The following RABGAP1L variants were observed in gnomAD, a reference collection of about 807,000 sequenced individuals.
The protein encoded by RABGAP1L is rab GTPase-activating protein 1-like.
Under a neutral mutation model 137.7 loss-of-function variants are expected in RABGAP1L, and 63 were observed. The observed-to-expected ratio is 0.46, with a 90% CI of 0.37 to 0.56. The LOEUF (loss-of-function observed/expected upper bound fraction) is 0.56, where lower values mean the gene tolerates loss of function less well. RABGAP1L is among the 20% of genes least tolerant of loss of function. The pLI is 0.00. For synonymous variants in RABGAP1L, 431 were observed against 433.7 expected (o/e 0.99, Z 0.08); for missense variants, 1,095 against 1,244.0 (o/e 0.88, Z 1.80).
chr1:174,473,866 T>C (rs774979711), intron 13 of RABGAP1L, among the ~76,000 whole-genome samples: 1 of 152,154 alleles, frequency 6.6e-6, no homozygotes, highest in Non-Finnish European at 1.5e-5. Context: ...TCTAACTCCG[T>C]TGTAGTAGAG....
intron 19 of RABGAP1L, chr1:174,850,232 C>T (rs977794989): frequency 4.6e-5 from 13 of 281,798 alleles, no homozygotes; most frequent in Admixed American, 9.0e-5. Context: ...AGGAAACCTC[C>T]GGGGTACCCT....
At chr1:174,392,051 T>C (rs771557479) in intron 12 of RABGAP1L, among the ~76,000 whole-genome samples, 6 of 152,210 alleles carry the variant, frequency 3.9e-5, no homozygotes, top group Non-Finnish European at 8.8e-5. Context: ...TGAAGAATAA[T>C]TAATACTCTT....
intron 10 of RABGAP1L, among the ~76,000 whole-genome samples, chr1:174,298,629 G>A (rs1184652398): frequency 1.3e-5 from 2 of 152,168 alleles, no homozygotes; most frequent in African/African-American, 4.8e-5. Flanking sequence ...CTTATCATAA[G>A]CCAAATGCTA....
At chr1:174,485,313 G>A (rs114860739) in intron 13 of RABGAP1L, among the ~76,000 whole-genome samples, 223 of 152,130 alleles carry the variant, frequency 1.5e-3, no homozygotes, top group African/African-American at 3.7e-3. Flanking sequence ...CTTCCTTTCC[G>A]ATTTGATGCT....
chr1:174,832,605 T>C (rs888134034), intron 19 of RABGAP1L, among the ~76,000 whole-genome samples: 3 of 148,576 alleles, frequency 2.0e-5, no homozygotes, highest in Non-Finnish European at 3.0e-5. Context: ...ACAGACCCAG[T>C]TCAGGCTCCC....
chr1:174,504,664 A>G (rs1163048063), intron 13 of RABGAP1L, among the ~76,000 whole-genome samples: 1 of 152,164 alleles, frequency 6.6e-6, no homozygotes, highest in Non-Finnish European at 1.5e-5. Context: ...GGAAAACTGG[A>G]TATCCATGTG....
intron 11 of RABGAP1L, among the ~76,000 whole-genome samples, chr1:174,360,620 G>C (rs1684057364): frequency 6.6e-6 from 1 of 151,950 alleles, no homozygotes; most frequent in Admixed American, 6.6e-5. Flanking sequence ...CTTGTAGCTG[G>C]GATATTTTGG....
intron 13 of RABGAP1L, among the ~76,000 whole-genome samples, chr1:174,405,528 T>C (rs1649157265): frequency 6.6e-6 from 1 of 152,210 alleles, no homozygotes; most frequent in African/African-American, 2.4e-5. Flanking sequence ...ATTACTGATA[T>C]AAATACAAAA....
At chr1:174,694,292 G>A (rs1467105049) in intron 15 of RABGAP1L, among the ~76,000 whole-genome samples, 116 of 147,822 alleles carry the variant, frequency 7.8e-4, no homozygotes, top group East Asian at 2.0e-3. Context: ...CTGGTGCGCT[G>A]CACCCACTAA....
At chr1:174,536,526 G>C (rs1225182339) in intron 13 of RABGAP1L, among the ~76,000 whole-genome samples, 1 of 152,036 alleles carries the variant, frequency 6.6e-6, no homozygotes, top group African/African-American at 2.4e-5. Context: ...GAAGAATTAT[G>C]CTTTTTTTCC....
chr1:174,256,084 C>A (rs912253021), intron 7 of RABGAP1L, among the ~76,000 whole-genome samples: 1 of 152,188 alleles, frequency 6.6e-6, no homozygotes, highest in Non-Finnish European at 1.5e-5. Context: ...TCCTTTCCCC[C>A]ACTCCAGTTC....
At chr1:174,390,852 A>G (rs1687163611) in intron 12 of RABGAP1L, among the ~76,000 whole-genome samples, 1 of 152,170 alleles carries the variant, frequency 6.6e-6, no homozygotes, top group Admixed American at 6.5e-5. Context: ...GAAGAAACTG[A>G]GTTCAGACTT....
At chr1:174,286,539 T>C (rs1284084407) in intron 10 of RABGAP1L, among the ~76,000 whole-genome samples, 1 of 152,108 alleles carries the variant, frequency 6.6e-6, no homozygotes, top group Non-Finnish European at 1.5e-5. Flanking sequence ...TCTGTTGTTT[T>C]ACTCTTCTCT....
intron 13 of RABGAP1L, among the ~76,000 whole-genome samples, chr1:174,476,049 A>C (rs943099521): frequency 6.6e-6 from 1 of 152,122 alleles, no homozygotes; most frequent in African/African-American, 2.4e-5. Flanking sequence ...TGGCTCCAAC[A>C]AAGGTTAGCG....
intron 12 of RABGAP1L, among the ~76,000 whole-genome samples, chr1:174,375,805 C>T (rs1309526011): frequency 6.6e-6 from 1 of 152,136 alleles, no homozygotes; most frequent in Non-Finnish European, 1.5e-5. Flanking sequence ...TGGCTCATGC[C>T]TGTAATCCCA....
chr1:174,703,317 T>A, intron 17 of RABGAP1L, among the ~76,000 whole-genome samples: 1 of 152,194 alleles, frequency 6.6e-6, no homozygotes, highest in East Asian at 1.9e-4. Flanking sequence ...AAATTCTGTG[T>A]CCATGTATAC....
intron 13 of RABGAP1L, among the ~76,000 whole-genome samples, chr1:174,496,211 A>G (rs1660719810): frequency 6.6e-6 from 1 of 152,186 alleles, no homozygotes; most frequent in Non-Finnish European, 1.5e-5. Context: ...ACTGAAGATG[A>G]TACATGGACA....
In RABGAP1L at chr1:174,811,870, T is replaced by C. The variant is rs746282203; in HGVS notation, c.2250T>C (p.Gly750=). Residue 750 remains glycine (G), a synonymous_variant, in exon 19 of 26, where the codon GGT becomes GGC. Coordinates refer to ENST00000681986, the MANE Select transcript of RABGAP1L (RefSeq NM_001366446.1). Reference sequence around the variant, plus strand: ...ACCTTCTGCAGGCTGATTTTGAAGGTGCTTTAAAGTTCTTTAGAGTTCAGC... The same window carrying C: ...ACCTTCTGCAGGCTGATTTTGAAGGCGCTTTAAAGTTCTTTAGAGTTCAGC... ...KEDLLQADFE[G]ALKFFRVQLP... The C allele has an allele frequency of 1.2e-6, 2 of 1,605,144 alleles. No homozygotes were observed. Among genetic ancestry groups the C allele is most frequent in the East Asian group, 4.5e-5 (2 of 44,652 alleles).
intron 14 of RABGAP1L, among the ~76,000 whole-genome samples, chr1:174,662,102 CT>C (rs749496325): frequency 1.8e-4 from 16 of 90,270 alleles, no homozygotes; most frequent in Non-Finnish European, 2.2e-4. Context: ...CTTTTCTTTT[CT>C]TTTTTTTTTT....
Sources: gnomAD v4.1 joint callset for allele counts (sites outside exome capture counted in the v4.1 genomes callset) on GRCh38, gnomAD v4.1.1 for gene constraint, MANE v1.5 for transcripts, NCBI Gene and HGNC (gene_info 2026-07-23, HGNC 2026-07-21) for gene names.